CALHM4: variants seen among roughly 807,000 people sequenced by gnomAD.
CALHM4 encodes the protein calcium homeostasis modulator family member 4.
CALHM4 carries 16 observed loss-of-function variants against 13.3 expected under a neutral mutation model. The observed-to-expected ratio is 1.20, with a 90% CI of 0.81 to 1.82. The LOEUF (loss-of-function observed/expected upper bound fraction) is 1.82. Among genes scored for constraint, CALHM4 ranks in the 40% most tolerant of loss-of-function variants. The pLI is 0.00. For synonymous variants in CALHM4, 127 were observed against 137.1 expected (o/e 0.93, Z 0.52); for missense variants, 344 against 374.9 (o/e 0.92, Z 0.68).
At chr6:116,544,150 G>GAAGAGA (rs1773627167) in intron 2 of CALHM4, among the ~76,000 whole-genome samples, 1 of 62,290 alleles carries the variant, frequency 1.6e-5, no homozygotes, top group African/African-American at 4.3e-5. Context: ...CAAAGGTGAA[G>GAAGAGA]AAGAGAGAGA....
chr6:116,547,725 G>A (rs1418764353), intron 2 of CALHM4, among the ~76,000 whole-genome samples: 1 of 152,238 alleles, frequency 6.6e-6, no homozygotes, highest in African/African-American at 2.4e-5. Flanking sequence ...GATCTATAAT[G>A]TCTGCCCTGG....
chr6:116,559,630 C>T lies in CALHM4; in HGVS notation c.*1419C>T, dbSNP rs1177494793. ...TCACCATTACTCATCTGTCATTTGA[C>T]CTTGGACAAATCAGTCCATCTCTCT... On this transcript the variant is annotated 3_prime_UTR_variant, in exon 2 of 2. Transcript: ENST00000368596. Among the ~76,000 whole-genome samples, 1 of 152,128 alleles carries T rather than the reference C, an allele frequency of 6.6e-6. No homozygotes were observed. The highest frequency in any genetic ancestry group is 1.5e-5 in the Non-Finnish European group (1 of 68,018).
At chr6:116,546,635 T>C (rs1453166317) in intron 2 of CALHM4, among the ~76,000 whole-genome samples, 2 of 152,202 alleles carry the variant, frequency 1.3e-5, no homozygotes, top group African/African-American at 4.8e-5. Context: ...TATGACTCAG[T>C]TTCCACATTT....
upstream of CALHM4, among the ~76,000 whole-genome samples, chr6:116,550,463 T>C (rs1438509680): frequency 1.3e-5 from 2 of 152,172 alleles, no homozygotes; most frequent in Non-Finnish European, 2.9e-5. Flanking sequence ...CTCTCATCTA[T>C]AAAAACATTG....
At chr6:116,530,416 A>G (rs1035703654) in intron 1 of CALHM4, among the ~76,000 whole-genome samples, 9 of 152,228 alleles carry the variant, frequency 5.9e-5, no homozygotes, top group African/African-American at 2.2e-4. Context: ...CTTAGAAAAA[A>G]GAGTAACAAA....
In CALHM4 at chr6:116,560,696, C is replaced by G. The variant is rs993285327; in HGVS notation, c.*2485C>G. On this transcript the variant is annotated 3_prime_UTR_variant, in exon 2 of 2. Coordinates refer to ENST00000368596, the MANE Select transcript of CALHM4 (RefSeq NM_001366078.2). Reference sequence around the variant, plus strand: ...TCTATAGCATTTTTTTGCTCCACAGCTAGTTAAATGAAACTTTTTCATTAA... The same window carrying G: ...TCTATAGCATTTTTTTGCTCCACAGGTAGTTAAATGAAACTTTTTCATTAA... 2.0e-5 allele frequency among the ~76,000 whole-genome samples: 3 copies of G among 150,250 alleles called. No homozygotes were observed. Among genetic ancestry groups the G allele is most frequent in the Non-Finnish European group, 4.4e-5 (3 of 67,768 alleles).
chr6:116,550,019 T>C (rs2024977), upstream of CALHM4, among the ~76,000 whole-genome samples: 4,523 of 73,948 alleles, frequency 0.061, 134 homozygotes, highest in Admixed American at 0.17. Context: ...TATATATATA[T>C]ATATATACAC....
At chr6:116,545,506 G>A (rs1773727169) in intron 2 of CALHM4, 17 of 1,547,550 alleles carry the variant, frequency 1.1e-5, no homozygotes, top group Non-Finnish European at 1.4e-5. Context: ...GGTGTGCAGG[G>A]CGAGACATAG....
At chr6:116,543,510 A>G in intron 1 of CALHM4, 1 of 899,490 alleles carries the variant, frequency 1.1e-6, no homozygotes. Context: ...TCACCTGTAC[A>G]TTTTTTCCTT....
At chr6:116,551,246 C>T (rs539926193), upstream of CALHM4, among the ~76,000 whole-genome samples, 29 of 152,244 alleles carry the variant, frequency 1.9e-4, no homozygotes, top group South Asian at 1.9e-3. Flanking sequence ...ATTAAAATTC[C>T]GTGGCACAAG....
At chr6:116,553,509 C>T (rs1438430219), upstream of CALHM4, among the ~76,000 whole-genome samples, 1 of 152,188 alleles carries the variant, frequency 6.6e-6, no homozygotes, top group Non-Finnish European at 1.5e-5. Context: ...AGGCAGTCTG[C>T]TTTCTAAGCA....
intron 1 of CALHM4, among the ~76,000 whole-genome samples, chr6:116,534,690 T>C (rs1772962797): frequency 6.6e-6 from 1 of 152,086 alleles, no homozygotes; most frequent in African/African-American, 2.4e-5. Context: ...CTCATTCATA[T>C]TGCTTCCTAT....
intron 1 of CALHM4, among the ~76,000 whole-genome samples, chr6:116,537,189 A>G (rs1773153467): frequency 6.6e-6 from 1 of 152,238 alleles, no homozygotes; most frequent in African/African-American, 2.4e-5. Context: ...ATTGACAAGA[A>G]AGAATCTTGC....
At chr6:116,534,995 A>C (rs1772986760) in intron 1 of CALHM4, among the ~76,000 whole-genome samples, 1 of 152,204 alleles carries the variant, frequency 6.6e-6, no homozygotes, top group Non-Finnish European at 1.5e-5. Flanking sequence ...AGTAATCATC[A>C]TATTGACATG....
intron 2 of CALHM4, among the ~76,000 whole-genome samples, chr6:116,546,799 C>T (rs35376579): frequency 0.036 from 5,531 of 152,146 alleles, 146 homozygotes; most frequent in Middle Eastern, 0.12. Flanking sequence ...TCTACAATAC[C>T]TAAGGCATTT....
At chr6:116,532,394 G>A (rs761318090) in intron 1 of CALHM4, among the ~76,000 whole-genome samples, 6 of 152,026 alleles carry the variant, frequency 3.9e-5, no homozygotes, top group Admixed American at 3.9e-4. Context: ...GAGCCACCGC[G>A]CCCGGCCGGT....
intron 1 of CALHM4, among the ~76,000 whole-genome samples, chr6:116,556,785 G>A (rs1774335169): frequency 6.6e-6 from 1 of 152,124 alleles, no homozygotes; most frequent in African/African-American, 2.4e-5. Flanking sequence ...ACACTAAATA[G>A]TCTCAAAAAC....
At chr6:116,552,908 A>G (rs1290842973), upstream of CALHM4, among the ~76,000 whole-genome samples, 1 of 152,142 alleles carries the variant, frequency 6.6e-6, no homozygotes, top group Non-Finnish European at 1.5e-5. Context: ...CCCTGTCTCT[A>G]CTAAAAATAC....
chr6:116,543,995 G>C, intron 2 of CALHM4: 1 of 845,590 alleles, frequency 1.2e-6, no homozygotes, highest in Non-Finnish European at 1.8e-6. Context: ...AGACAATTTA[G>C]GTTTGGCTTA....
Sources: gnomAD v4.1 joint callset for allele counts (sites outside exome capture counted in the v4.1 genomes callset) on GRCh38, gnomAD v4.1.1 for gene constraint, MANE v1.5 for transcripts, NCBI Gene and HGNC (gene_info 2026-07-23, HGNC 2026-07-21) for gene names.